DMD: variants seen among roughly 807,000 people sequenced by gnomAD.
The protein encoded by DMD is dystrophin.
DMD carries 63 observed loss-of-function variants against 330.1 expected under a neutral mutation model. The ratio of observed to expected loss-of-function variants is 0.19; its 90% confidence interval spans 0.16 to 0.24. The LOEUF (loss-of-function observed/expected upper bound fraction) is 0.24. Among genes scored for constraint, DMD ranks in the 10% least tolerant of loss-of-function variants. The pLI, the probability that DMD is intolerant of heterozygous loss-of-function variation, is 1.00. For missense variants in DMD, 3,344 were observed against 2,684.1 expected, an observed-to-expected ratio of 1.25 and a Z score of -5.43; for synonymous variants, 1,223 against 959.8, an observed-to-expected ratio of 1.27 and a Z score of -5.07.
intron 1 of DMD, among the ~76,000 whole-genome samples, chrX:33,228,362 C>G (rs1012494900): frequency 1.8e-5 from 2 of 108,821 alleles, no homozygotes; most frequent in Non-Finnish European, 3.8e-5. Context: ...ACATGTCTCT[C>G]TCTCCACGTT....
chrX:32,301,821 A>G (rs1352490170), intron 42 of DMD, among the ~76,000 whole-genome samples: 1 of 111,269 alleles, frequency 9.0e-6, no homozygotes, highest in Non-Finnish European at 1.9e-5. Flanking sequence ...GTTTTAAGTT[A>G]CTGAACTAGA....
At chrX:31,759,347 T>G (rs1404987860) in intron 51 of DMD, among the ~76,000 whole-genome samples, 1 of 110,814 alleles carries the variant, frequency 9.0e-6, no homozygotes, top group Non-Finnish European at 1.9e-5. Context: ...ACCTTCCCTT[T>G]TTATCAGTGA....
At chrX:31,861,336 A>T (rs1275119985) in intron 48 of DMD, among the ~76,000 whole-genome samples, 2 of 110,971 alleles carry the variant, frequency 1.8e-5, no homozygotes, top group Non-Finnish European at 3.8e-5. Flanking sequence ...ACCTTTCCTA[A>T]TACTGACGAG....
chrX:32,032,991 G>T (rs1214686351), intron 44 of DMD, among the ~76,000 whole-genome samples: 1 of 112,170 alleles, frequency 8.9e-6, no homozygotes. Flanking sequence ...CAACCTAAAT[G>T]CCCATTGGCA....
chrX:31,350,592 CGTGTGTGTGTGT>C (rs747001189), intron 60 of DMD, among the ~76,000 whole-genome samples: 4 of 85,315 alleles, frequency 4.7e-5, no homozygotes, highest in Non-Finnish European at 6.7e-5. Flanking sequence ...AAATGTGGTA[CGTGTGTGTGTGT>C]GTGTGTGTGT....
chrX:31,207,232 T>C (rs1329757425), intron 65 of DMD, among the ~76,000 whole-genome samples: 1 of 111,903 alleles, frequency 8.9e-6, no homozygotes, highest in Admixed American at 9.5e-5. Flanking sequence ...AAGAAAAATA[T>C]CATACTCTAT....
intron 29 of DMD, among the ~76,000 whole-genome samples, chrX:32,418,883 G>C (rs1189758654): frequency 3.0e-5 from 3 of 101,021 alleles, no homozygotes; most frequent in Non-Finnish European, 3.9e-5. Flanking sequence ...TGAGGCAGGA[G>C]AATGGTGTGA....
intron 29 of DMD, among the ~76,000 whole-genome samples, chrX:32,421,066 G>T (rs964688394): frequency 1.8e-5 from 2 of 111,728 alleles, no homozygotes; most frequent in Non-Finnish European, 3.8e-5. Context: ...TCTCTCCTGG[G>T]ATGTCTGGGA....
At chrX:31,960,087 A>G (rs766248685) in intron 45 of DMD, among the ~76,000 whole-genome samples, 1 of 108,950 alleles carries the variant, frequency 9.2e-6, no homozygotes, top group African/African-American at 3.3e-5. Flanking sequence ...ACCTTTATCA[A>G]GTCTTCCAAA....
chrX:31,456,876 G>GTGTGTGTGTATA (rs752346201), intron 59 of DMD, among the ~76,000 whole-genome samples: 2,271 of 68,437 alleles, frequency 0.033, 32 homozygotes, highest in Non-Finnish European at 0.05. Context: ...GTGTGTGTGT[G>GTGTGTGTGTATA]TATATATATA....
chrX:32,537,695 T>C (rs986626546), intron 17 of DMD, among the ~76,000 whole-genome samples: 1 of 111,771 alleles, frequency 8.9e-6, no homozygotes, highest in Non-Finnish European at 1.9e-5. Context: ...ATACAGATAG[T>C]TCAGGTCTTC....
chrX:32,591,803 G>T (rs890748513), intron 13 of DMD, among the ~76,000 whole-genome samples: 1 of 112,960 alleles, frequency 8.9e-6, no homozygotes, highest in African/African-American at 3.2e-5. Context: ...GCATTCCTGC[G>T]CTCTTGGGGG....
intron 1 of DMD, among the ~76,000 whole-genome samples, chrX:33,314,570 G>GTTTTTTTTTTTTTT (rs1170142842): frequency 1.5e-4 from 12 of 79,024 alleles, no homozygotes; most frequent in African/African-American, 2.9e-4. Context: ...TTTTTTTTTT[G>GTTTTTTTTTTTTTT]TTTTTTTTTT....
At chrX:32,473,812 TTCTC>T (rs1257715471) in intron 21 of DMD, among the ~76,000 whole-genome samples, 1 of 111,235 alleles carries the variant, frequency 9.0e-6, no homozygotes, top group Non-Finnish European at 1.9e-5. Context: ...AATAATATGT[TTCTC>T]TATTAACCTG....
intron 11 of DMD, among the ~76,000 whole-genome samples, chrX:32,632,642 T>C (rs1005080715): frequency 9.1e-6 from 1 of 110,353 alleles, no homozygotes; most frequent in East Asian, 2.9e-4. Context: ...CCTGCAGGCT[T>C]ATGGCTTGTA....
intron 7 of DMD, among the ~76,000 whole-genome samples, chrX:32,737,165 AT>A (rs1254207078): frequency 2.4e-4 from 26 of 107,848 alleles, no homozygotes; most frequent in South Asian, 2.0e-3. Context: ...AATCTATATA[AT>A]TTTTTTTTTC....
chrX:33,180,347 A>C (rs1421562481), intron 1 of DMD, among the ~76,000 whole-genome samples: 1 of 111,869 alleles, frequency 8.9e-6, no homozygotes, highest in Admixed American at 9.5e-5. Context: ...TTCTTGGGCT[A>C]CATGAATCAT....
chrX:33,003,562 A>G (rs2093333744), intron 2 of DMD, among the ~76,000 whole-genome samples: 1 of 111,886 alleles, frequency 8.9e-6, no homozygotes, highest in African/African-American at 3.2e-5. Flanking sequence ...AATCTTAACT[A>G]TCAGGCAGTG....
intron 67 of DMD, among the ~76,000 whole-genome samples, chrX:31,195,366 C>T (rs2042768623): frequency 9.0e-6 from 1 of 111,552 alleles, no homozygotes; most frequent in African/African-American, 3.3e-5. Context: ...TATGCAAATC[C>T]CTAAGTATAC....
Sources: gnomAD v4.1 joint callset for allele counts (sites outside exome capture counted in the v4.1 genomes callset) on GRCh38, gnomAD v4.1.1 for gene constraint, MANE v1.5 for transcripts, NCBI Gene and HGNC (gene_info 2026-07-23, HGNC 2026-07-21) for gene names.